The following DEDD2 variants were observed in gnomAD, a reference collection of about 807,000 sequenced individuals.
The protein encoded by DEDD2 is death effector domain containing 2, also known as DNA-binding death effector domain-containing protein 2.
Under a neutral mutation model 28.9 loss-of-function variants are expected in DEDD2, and 18 were observed. The observed-to-expected ratio is 0.62, with a 90% confidence interval of 0.43 to 0.92. The LOEUF is 0.92. Ranked by LOEUF, DEDD2 falls within the 40% of genes least tolerant of loss-of-function variation. DEDD2 has a pLI of 0.00. For missense variants in DEDD2, 411 were observed against 463.3 expected, an observed-to-expected ratio of 0.89 and a Z score of 1.04; for synonymous variants, 211 against 206.1, an observed-to-expected ratio of 1.02 and a Z score of -0.20.
intron 3 of DEDD2, among the ~76,000 whole-genome samples, chr19:42,210,069 A>G (rs1395614121): frequency 6.6e-6 from 1 of 152,104 alleles, no homozygotes; most frequent in Non-Finnish European, 1.5e-5. Context: ...TCCAGGTGTG[A>G]TGTGACCCTA....
intron 3 of DEDD2, 106 bp downstream of exon 3, chr19:42,215,027 A>G: frequency 6.8e-7 from 1 of 1,480,822 alleles, no homozygotes; most frequent in Admixed American, 1.8e-5. Context: ...ACACACACAC[A>G]CACAGTGAAA....
At chr19:42,218,729 T>C (rs1426137829), upstream of DEDD2, among the ~76,000 whole-genome samples, 3 of 152,206 alleles carry the variant, frequency 2.0e-5, no homozygotes, top group Non-Finnish European at 4.4e-5. Flanking sequence ...GCCTGAGCTG[T>C]AGCAGTGAAT....
Position 42,199,180 on chromosome 19 carries a change from A to T in DEDD2, c.*258T>A. ...GCTGTGCCCCTCCCTTCTGAGATAC[A>T]GGCCCAGCCCCCGCCTCCGGAGGCT... On this transcript the variant is annotated 3_prime_UTR_variant, in exon 5 of 5. Coordinates refer to ENST00000596251, the MANE Select transcript of DEDD2 (RefSeq NM_133328.4). This position sits in a 1 kb window ranked among gnomAD's most constrained non-coding sequence, Gnocchi z 7.4. The T allele has an allele frequency of 1.8e-6, 1 of 540,944 alleles. No homozygotes were observed. The highest frequency in any genetic ancestry group is 3.2e-6 in the Non-Finnish European group (1 of 307,714). 33.5% of individuals were successfully genotyped at this position (540,944 alleles called of 1,614,324 possible). A position where few individuals can be genotyped will look rare whatever the true frequency, so the allele number is the denominator to read the frequency against.
chr19:42,215,329 A>T, intron 2 of DEDD2, 77 bp from the exon 3 acceptor site: 2 of 1,564,070 alleles, frequency 1.3e-6, no homozygotes, highest in Non-Finnish European at 1.7e-6. Context: ...TGCCTGCACC[A>T]CGAGGTGCCT....
rs200005635 is a variant in DEDD2, at chr19:42,209,832, G to T, written c.457C>A (p.Pro153Thr). The change falls in exon 4 of 5, where the codon CCA (proline) becomes ACA (threonine). Residue 153 changes from proline (P) to threonine (T), a missense_variant. By Grantham distance (38) the Pro-to-Thr change is conservative. Transcript: ENST00000596251. ...CGACTCCGCCGCTGCCGCTTGGTTG[G>T]GGGGGAGCCTGAGGGGAAAAAAATG... ...QQGQWETGSP[P>T]TKRQRRSRGR... The T allele has an allele frequency of 3.3e-4, 515 of 1,537,356 alleles. 1 individual carries two copies. In the Middle Eastern group the frequency reaches 4.8e-3, roughly 14 times the overall value.
chr19:42,220,122 G>A (rs1423596953), upstream of DEDD2: 1 of 152,282 alleles, frequency 6.6e-6, no homozygotes, highest in Admixed American at 6.5e-5. Context: ...CTTAGCCCGG[G>A]AGCGACCCAG....
At chr19:42,215,095 G>GGAAAAA in intron 3 of DEDD2, 38 bp downstream of exon 3, 1 of 1,611,450 alleles carries the variant, frequency 6.2e-7, no homozygotes, top group Non-Finnish European at 8.5e-7. Flanking sequence ...ATAAGGAAAA[G>GGAAAAA]AGGGATGCTG....
At chr19:42,200,378 A>C (rs2035283485) in intron 4 of DEDD2, among the ~76,000 whole-genome samples, 1 of 152,208 alleles carries the variant, frequency 6.6e-6, no homozygotes. Flanking sequence ...TAGGTGTTCA[A>C]TATGTATTTG....
At chr19:42,209,517 A>T (rs1322085171) in intron 4 of DEDD2, among the ~76,000 whole-genome samples, 183 bp downstream of exon 4, 4 of 152,226 alleles carry the variant, frequency 2.6e-5, no homozygotes, top group Admixed American at 2.0e-4. Context: ...TGATCCTTCA[A>T]CAATGGACAG....
chr19:42,207,872 C>T (rs8182491), intron 4 of DEDD2, among the ~76,000 whole-genome samples: 12,041 of 151,830 alleles, frequency 0.079, 662 homozygotes, highest in South Asian at 0.18. Context: ...CAGACTCAGC[C>T]CTGACCACAT....
At chr19:42,216,591 G>A in intron 2 of DEDD2, 89 bp downstream of exon 2, 1 of 1,314,610 alleles carries the variant, frequency 7.6e-7, no homozygotes, top group South Asian at 1.5e-5. Flanking sequence ...GCCTGATATG[G>A]CACTGTCCGT....
chr19:42,208,966 G>A (rs929100062), intron 4 of DEDD2, among the ~76,000 whole-genome samples: 1 of 152,204 alleles, frequency 6.6e-6, no homozygotes, highest in African/African-American at 2.4e-5. Flanking sequence ...GGCTGGGTGC[G>A]GTGGCTCACG....
rs1201214230 is a variant in DEDD2, at chr19:42,199,292, G to A, written c.*146C>T. ...GCCTCAGAGCCCACATCCTGTGGGA[G>A]GGGCTGTCAAGGGGCCTGCTGTCCC... On this transcript the variant is annotated 3_prime_UTR_variant, in exon 5 of 5. Transcript: ENST00000596251. The surrounding 1 kb of genome is among the most constrained non-coding windows in gnomAD (Gnocchi z 7.4). The A allele has an allele frequency of 8.3e-7, 1 of 1,200,302 alleles. No homozygotes were observed. The highest frequency in any genetic ancestry group is 1.6e-5 in the South Asian group (1 of 61,350). 74.4% of individuals were successfully genotyped at this position (1,200,302 alleles called of 1,614,324 possible). A position where few individuals can be genotyped will look rare whatever the true frequency, so the allele number is the denominator to read the frequency against.
intron 3 of DEDD2, among the ~76,000 whole-genome samples, chr19:42,214,775 C>G (rs890703636): frequency 2.6e-5 from 4 of 151,776 alleles, no homozygotes; most frequent in Non-Finnish European, 4.4e-5. Flanking sequence ...AAAAGCCAAA[C>G]AGAAAAAAAC....
chr19:42,216,052 T>C lies in DEDD2; in HGVS notation c.328+628A>G, dbSNP rs2035954924. Among the ~76,000 whole-genome samples the C allele has an allele frequency of 2.0e-5, 3 of 152,318 alleles. No individual in the cohort carries two copies. The South Asian group carries it at 6.2e-4, about 32-fold the overall frequency. ...GCCAAACTCATTCCCACCTCAGGCC[T>C]TGGATGCTCCCTGGGATTTTCTCCC... is the stretch of plus-strand genomic sequence containing the variant. On this transcript the variant is annotated intron_variant, in intron 2 of 4. Coordinates refer to ENST00000596251, the MANE Select transcript of DEDD2 (RefSeq NM_133328.4).
At chr19:42,201,344 A>G (rs963142388) in intron 4 of DEDD2, among the ~76,000 whole-genome samples, 3 of 152,212 alleles carry the variant, frequency 2.0e-5, no homozygotes, top group African/African-American at 7.2e-5. Flanking sequence ...CTGCCTAAAC[A>G]AGGGGACAAT....
At chr19:42,205,019 GA>G (rs1018892786) in intron 4 of DEDD2, among the ~76,000 whole-genome samples, 2 of 152,160 alleles carry the variant, frequency 1.3e-5, no homozygotes, top group African/African-American at 4.8e-5. Context: ...TCAGAAGCGG[GA>G]TTGAGGAAAA....
At chr19:42,212,490 G>A (rs986137981) in intron 3 of DEDD2, among the ~76,000 whole-genome samples, 5 of 151,076 alleles carry the variant, frequency 3.3e-5, no homozygotes, top group Admixed American at 6.6e-5. Context: ...TCTGAGACAG[G>A]GTCTTGCTCT....
intron 4 of DEDD2, among the ~76,000 whole-genome samples, chr19:42,202,548 C>A (rs929685035): frequency 2.0e-5 from 3 of 152,168 alleles, no homozygotes; most frequent in Non-Finnish European, 4.4e-5. Flanking sequence ...AGGGACAAGG[C>A]CAGAGCAATC....
Sources: allele counts gnomAD v4.1 joint callset (sites outside exome capture counted in the v4.1 genomes callset), GRCh38; gene constraint gnomAD v4.1.1; non-coding constraint Gnocchi (gnomAD v3.1); transcripts MANE v1.5; gene names NCBI Gene and HGNC (gene_info 2026-07-23, HGNC 2026-07-21).